TMEM132D: variants seen among roughly 807,000 people sequenced by gnomAD.
TMEM132D encodes the protein mature OL transmembrane protein.
A neutral mutation model predicts 62.3 loss-of-function variants in TMEM132D; 21 were observed. The ratio of observed to expected loss-of-function variants is 0.34; its 90% CI spans 0.24 to 0.49. The LOEUF is 0.49. Ranked by LOEUF, TMEM132D falls within the 20% of genes least tolerant of loss-of-function variation. TMEM132D has a pLI of 0.99. For synonymous variants in TMEM132D, 621 were observed against 575.6 expected (o/e 1.08, Z -1.13); for missense variants, 1,346 against 1,402.8 (o/e 0.96, Z 0.65).
At chr12:129,534,396 T>G (rs1876319395) in intron 2 of TMEM132D, among the ~76,000 whole-genome samples, 1 of 149,832 alleles carries the variant, frequency 6.7e-6, no homozygotes, top group African/African-American at 2.5e-5. Context: ...ATAATAGAAC[T>G]GCAGGGACTG....
chr12:129,179,036 G>T, intron 5 of TMEM132D, among the ~76,000 whole-genome samples: 1 of 152,170 alleles, frequency 6.6e-6, no homozygotes, highest in Admixed American at 6.5e-5. Flanking sequence ...CACACCAAAT[G>T]GGGCCAAATG....
At chr12:129,473,905 C>T (rs1874179874) in intron 3 of TMEM132D, among the ~76,000 whole-genome samples, 1 of 152,180 alleles carries the variant, frequency 6.6e-6, no homozygotes, top group African/African-American at 2.4e-5. Context: ...TGAGCAAATT[C>T]ATTCATTAAA....
chr12:129,598,217 T>C (rs972129747), intron 2 of TMEM132D, among the ~76,000 whole-genome samples: 1 of 152,200 alleles, frequency 6.6e-6, no homozygotes, highest in Non-Finnish European at 1.5e-5. Context: ...GGAAAAGGCA[T>C]CCTATAAAAT....
chr12:129,313,589 G>A (rs942732639), intron 4 of TMEM132D, among the ~76,000 whole-genome samples: 2 of 140,420 alleles, frequency 1.4e-5, no homozygotes, highest in African/African-American at 2.6e-5. Flanking sequence ...ATATATATAA[G>A]TTTCTTTATC....
chr12:129,509,450 C>T (rs1418165126), intron 3 of TMEM132D, among the ~76,000 whole-genome samples: 8 of 152,012 alleles, frequency 5.3e-5, no homozygotes, highest in Non-Finnish European at 1.2e-4. Flanking sequence ...GTGTCCATCC[C>T]CTCAAGCTTT....
At chr12:129,124,147 C>T (rs993115127) in intron 5 of TMEM132D, among the ~76,000 whole-genome samples, 3 of 152,118 alleles carry the variant, frequency 2.0e-5, no homozygotes, top group African/African-American at 7.2e-5. Flanking sequence ...TGCAGATTTA[C>T]AGGGTTACAG....
chr12:129,481,596 G>A (rs1373267297), intron 3 of TMEM132D, among the ~76,000 whole-genome samples: 1 of 152,098 alleles, frequency 6.6e-6, no homozygotes, highest in African/African-American at 2.4e-5. Context: ...CTTACTAATG[G>A]TAAAGGAAAT....
chr12:129,492,655 A>C (rs1874831419), intron 3 of TMEM132D, among the ~76,000 whole-genome samples: 1 of 152,188 alleles, frequency 6.6e-6, no homozygotes, highest in African/African-American at 2.4e-5. Context: ...TGACTTTAGT[A>C]ATGCTCCTGG....
At chr12:129,806,440 A>G (rs1194551879) in intron 1 of TMEM132D, among the ~76,000 whole-genome samples, 1 of 131,542 alleles carries the variant, frequency 7.6e-6, no homozygotes, top group Non-Finnish European at 1.6e-5. Flanking sequence ...AACTATCGCA[A>G]GAACAAAAAA....
At chr12:129,284,044 A>C (rs1397050916) in intron 4 of TMEM132D, among the ~76,000 whole-genome samples, 2 of 152,274 alleles carry the variant, frequency 1.3e-5, no homozygotes, top group African/African-American at 4.8e-5. Flanking sequence ...CACCTGATGG[A>C]GGACAAGGCT....
intron 2 of TMEM132D, among the ~76,000 whole-genome samples, chr12:129,557,675 C>G (rs962253656): frequency 6.6e-6 from 1 of 152,158 alleles, no homozygotes. Context: ...GTGATCACAC[C>G]ATTGCACTCC....
At chr12:129,316,950 G>T (rs1868507744) in intron 4 of TMEM132D, among the ~76,000 whole-genome samples, 1 of 152,094 alleles carries the variant, frequency 6.6e-6, no homozygotes, top group Non-Finnish European at 1.5e-5. Context: ...TGTTTTGTCT[G>T]TTATAAGAGT....
At chr12:129,767,662 T>A (rs531250448) in intron 1 of TMEM132D, among the ~76,000 whole-genome samples, 7 of 152,220 alleles carry the variant, frequency 4.6e-5, no homozygotes, top group Non-Finnish European at 8.8e-5. Flanking sequence ...TGTTGTAGCA[T>A]GTGTCAGAGT....
chr12:129,701,681 A>C (rs1881388936), intron 1 of TMEM132D, among the ~76,000 whole-genome samples: 1 of 152,250 alleles, frequency 6.6e-6, no homozygotes, highest in Non-Finnish European at 1.5e-5. Context: ...GAGCAATTGC[A>C]TAATCCAAAG....
intron 1 of TMEM132D, among the ~76,000 whole-genome samples, chr12:129,896,243 C>CT (rs1304667600): frequency 6.6e-6 from 1 of 151,904 alleles, no homozygotes; most frequent in Non-Finnish European, 1.5e-5. Context: ...CCACCTGGGC[C>CT]CCCCAAAGAG....
chr12:129,587,880 A>G (rs112613793), intron 2 of TMEM132D, among the ~76,000 whole-genome samples: 12 of 152,320 alleles, frequency 7.9e-5, no homozygotes, highest in Admixed American at 1.3e-4. Flanking sequence ...TGGTGCCTCA[A>G]ACCAACAGCA....
At chr12:129,715,206 AAG>A (rs1249552165) in intron 1 of TMEM132D, among the ~76,000 whole-genome samples, 1 of 152,188 alleles carries the variant, frequency 6.6e-6, no homozygotes, top group Non-Finnish European at 1.5e-5. Flanking sequence ...GAACAAATGT[AAG>A]AGAGACAGAG....
chr12:129,417,698 A>T (rs913571522), intron 3 of TMEM132D, among the ~76,000 whole-genome samples: 3 of 152,252 alleles, frequency 2.0e-5, no homozygotes, highest in African/African-American at 7.2e-5. Flanking sequence ...CAAAATTGAC[A>T]AATGGGATCC....
At chr12:129,517,944 TA>T (rs772629600) in intron 3 of TMEM132D, among the ~76,000 whole-genome samples, 21 of 152,330 alleles carry the variant, frequency 1.4e-4, no homozygotes, top group East Asian at 1.3e-3. Flanking sequence ...TATTTTAATA[TA>T]CAGCCTAAGA....
Sources: gnomAD v4.1 joint callset for allele counts (sites outside exome capture counted in the v4.1 genomes callset) on GRCh38, gnomAD v4.1.1 for gene constraint, MANE v1.5 for transcripts, NCBI Gene and HGNC (gene_info 2026-07-23, HGNC 2026-07-21) for gene names.